Variants in CCDC88C observed in about 807,000 individuals in gnomAD.
CCDC88C encodes the protein coiled-coil and HOOK domain protein 88C.
A neutral mutation model predicts 198.8 loss-of-function variants in CCDC88C; 131 were observed. The ratio of observed to expected loss-of-function variants is 0.66; its 90% confidence interval spans 0.57 to 0.76. CCDC88C has a LOEUF of 0.76. Ranked by LOEUF, CCDC88C falls within the 30% of genes least tolerant of loss-of-function variation. The pLI, the probability that CCDC88C is intolerant of heterozygous loss-of-function variation, is 0.00. For missense variants in CCDC88C, 2,553 were observed against 2,631.6 expected (o/e 0.97, Z 0.65); for synonymous variants, 1,166 against 1,114.7 (o/e 1.05, Z -0.92).
Position 91,338,491 on chromosome 14 carries a change from C to T in CCDC88C, c.889G>A (p.Glu297Lys), listed in dbSNP as rs2139858216. Residue 297 changes from glutamate (E) to lysine (K), a missense_variant and splice_region_variant, in exon 9 of 30, where the codon GAG becomes AAG. Physicochemically the swap from Glu to Lys is moderately conservative, Grantham distance 56. Coordinates refer to ENST00000389857, the MANE Select transcript of CCDC88C (RefSeq NM_001080414.4). This position sits in a 1 kb window ranked among gnomAD's most constrained non-coding sequence, Gnocchi z 4.8. ...LVLELQKVKQENIQLAADARS... is the reference protein window; with the variant it reads ...LVLELQKVKQKNIQLAADARS... The stretch of plus-strand genomic sequence containing the variant: ...ACAGGCTCAGGCCCCCGACTCACCT[C>T]CTGCTTAACTTTCTGCAGTTCCAGC... 1 of 1,564,470 alleles carries T rather than the reference C, an allele frequency of 6.4e-7. No homozygotes were observed. Among genetic ancestry groups the T allele is most frequent in the Non-Finnish European group, 8.7e-7 (1 of 1,154,690 alleles).
intron 21 of CCDC88C, 118 bp downstream of exon 21, chr14:91,299,809 C>A: frequency 7.5e-7 from 1 of 1,327,244 alleles, no homozygotes; most frequent in South Asian, 1.6e-5. Flanking sequence ...GTTCACACAG[C>A]AAGGGATAAA....
In CCDC88C at chr14:91,349,561, C is replaced by T. The variant is rs181438636; in HGVS notation, c.341-5904G>A. Among the ~76,000 whole-genome samples the T allele has an allele frequency of 1.4e-3, 215 of 152,246 alleles. 1 individual carries two copies. Among genetic ancestry groups the T allele is most frequent in the African/African-American group, 4.6e-3 (192 of 41,540 alleles). On this transcript the variant is annotated intron_variant, in intron 4 of 29. Transcript: ENST00000389857. ...GGGCGGGGATCGAGAAACATCAGAC[C>T]GGACACACTCCACACTTAACACAAC... is the stretch of plus-strand genomic sequence containing the variant.
rs1170148589 is a variant in CCDC88C, at chr14:91,381,930, G to T, written c.271-22219C>A. Among the ~76,000 whole-genome samples, 5 of 152,160 alleles carry T rather than the reference G, an allele frequency of 3.3e-5. No individual in the cohort carries two copies. Among genetic ancestry groups the T allele is most frequent in the Non-Finnish European group, 7.3e-5 (5 of 68,036 alleles). ...CCTCCTTCTTGATGCCTTCCACGGTGTATTTTCTGAACAGCCCATTTTATC... is the reference window on the plus strand; with the variant it reads ...CCTCCTTCTTGATGCCTTCCACGGTTTATTTTCTGAACAGCCCATTTTATC... On this transcript the variant is annotated intron_variant, in intron 3 of 29. Transcript: ENST00000389857. The surrounding 1 kb of genome is among the most constrained non-coding windows in gnomAD (Gnocchi z 4.2).
At position 91,303,839 on chromosome 14, in the gene CCDC88C, G is replaced by T. The variant is rs758053233; in HGVS notation, c.3497C>A (p.Ala1166Asp). ...CAGGTGCTCGTGGTCCTGCAGCAGG[G>T]CCTCGTAGGCCGCTGTAAGTTGCTC... Reference protein sequence around the residue: ...QQEQLTAAYEALLQDHEHLGT... With the variant: ...QQEQLTAAYEDLLQDHEHLGT... The change falls in exon 20 of 30, where the codon GCC becomes GAC. Residue 1166 changes from alanine (A) to aspartate (D), a missense_variant. Transcript: ENST00000389857. 12 of 1,613,200 alleles carry T rather than the reference G, an allele frequency of 7.4e-6. No individual in the cohort carries two copies. In the East Asian group the frequency reaches 2.7e-4, roughly 36 times the overall value.
At chr14:91,373,825 G>C (rs560532717) in intron 3 of CCDC88C, among the ~76,000 whole-genome samples, 1 of 152,170 alleles carries the variant, frequency 6.6e-6, no homozygotes, top group Non-Finnish European at 1.5e-5. Context: ...GGTTGGAGGT[G>C]ACCTGGCAGC....
Position 91,408,773 on chromosome 14 carries a change from G to A in CCDC88C, c.162-6C>T. On this transcript the variant is annotated splice_region_variant and splice_polypyrimidine_tract_variant and intron_variant, in intron 2 of 29. Transcript: ENST00000389857. ...GATTTGTGGGCCTGGGATCTCTAGGGGAAGAAACACGAGAATGGAAATTGC... is the reference window on the plus strand; with the variant it reads ...GATTTGTGGGCCTGGGATCTCTAGGAGAAGAAACACGAGAATGGAAATTGC... 1.3e-6 allele frequency: 2 copies of A among 1,595,744 alleles called. No individual in the cohort carries two copies. The highest frequency in any genetic ancestry group is 4.5e-5 in the East Asian group (2 of 44,774).
rs1252796842 is a variant in CCDC88C at position 91,271,468 on chromosome 14, GAAAAAAAAATCTTAAA to G, written c.*1141_*1156del. ...CTTTCTCAGTATATTAAATCAAAAG[GAAAAAAAAATCTTAAA>G]AAAAAAAAATCAATAGGTTTAGTTC... On this transcript the variant is annotated 3_prime_UTR_variant, in exon 30 of 30. Transcript: ENST00000389857. The G allele has an allele frequency of 6.8e-6, 1 of 147,908 alleles. No homozygotes were observed. The highest frequency in any genetic ancestry group is 6.7e-5 in the Admixed American group (1 of 14,948). 9.2% of individuals were successfully genotyped at this position (147,908 alleles called of 1,614,324 possible). A position where few individuals can be genotyped will look rare whatever the true frequency, so the allele number is the denominator to read the frequency against.
chr14:91,400,430 AG>A (rs2139999560), intron 3 of CCDC88C, among the ~76,000 whole-genome samples: 1 of 152,354 alleles, frequency 6.6e-6, no homozygotes, highest in African/African-American at 2.4e-5. Flanking sequence ...TTCACATGGA[AG>A]CTGACTGTGA....
At chr14:91,414,599 C>G (rs769261474) in intron 2 of CCDC88C, among the ~76,000 whole-genome samples, 1 of 152,196 alleles carries the variant, frequency 6.6e-6, no homozygotes, top group Non-Finnish European at 1.5e-5. Flanking sequence ...ACTATTCTGA[C>G]TTCTATCACC....
At chr14:91,394,450 G>A (rs1442705687) in intron 3 of CCDC88C, among the ~76,000 whole-genome samples, 1 of 152,244 alleles carries the variant, frequency 6.6e-6, no homozygotes, top group South Asian at 2.1e-4. Flanking sequence ...AGAAAGGGCA[G>A]CAGGTCGGGG....
intron 20 of CCDC88C, among the ~76,000 whole-genome samples, chr14:91,300,493 C>T (rs191774978): frequency 1.3e-5 from 2 of 152,334 alleles, no homozygotes; most frequent in East Asian, 1.9e-4. Flanking sequence ...AATTCCGCTG[C>T]ACATCACAGC....
intron 14 of CCDC88C, 74 bp from the exon 15 acceptor site, chr14:91,314,224 G>T (rs1175990114): frequency 1.6e-6 from 2 of 1,242,902 alleles, no homozygotes; most frequent in African/African-American, 3.0e-5. Flanking sequence ...TCACACTGGG[G>T]ATGGGAGAGA....
At chr14:91,306,752 T>C (rs1891570115) in intron 18 of CCDC88C, among the ~76,000 whole-genome samples, 1 of 152,142 alleles carries the variant, frequency 6.6e-6, no homozygotes, top group Non-Finnish European at 1.5e-5. Flanking sequence ...CAAAAGCAGG[T>C]GGGGGCTGGA....
intron 3 of CCDC88C, among the ~76,000 whole-genome samples, chr14:91,378,240 A>C (rs1293609759): frequency 1.3e-5 from 2 of 152,154 alleles, no homozygotes; most frequent in Non-Finnish European, 2.9e-5. Flanking sequence ...AGGCATCCTG[A>C]AGTGGGGAGG....
chr14:91,336,442 A>G (rs1893045583), intron 10 of CCDC88C, among the ~76,000 whole-genome samples: 2 of 152,228 alleles, frequency 1.3e-5, no homozygotes, highest in South Asian at 4.1e-4. Context: ...CTGGGGCTGC[A>G]TGAGGTCCCC....
Position 91,325,033 on chromosome 14 carries a change from T to A in CCDC88C, c.1198-110A>T, listed in dbSNP as rs1282189844. ...TCATGTGCTGTGGATGAAGATGTAC[T>A]GGCTCACTTCCAAATAAACAGAGCT... On this transcript the variant is annotated intron_variant, in intron 11 of 29. Transcript: ENST00000389857. The surrounding 1 kb of genome is among the most constrained non-coding windows in gnomAD (Gnocchi z 4.1). 32 of 1,349,962 alleles carry A rather than the reference T, an allele frequency of 2.4e-5. No homozygotes were observed. The highest frequency in any genetic ancestry group is 3.0e-5 in the Non-Finnish European group (29 of 970,264). The allele number at this position is 1,349,962 out of a possible 1,614,324, so 83.6% of individuals were successfully genotyped here. A position where few individuals can be genotyped will look rare whatever the true frequency, so the allele number is the denominator to read the frequency against.
Position 91,299,948 on chromosome 14 carries a change from C to A in CCDC88C, c.3758G>T (p.Arg1253Met). The A allele has an allele frequency of 6.3e-7, 1 of 1,590,752 alleles. No homozygotes were observed. Among genetic ancestry groups the A allele is most frequent in the Non-Finnish European group, 8.5e-7 (1 of 1,171,246 alleles). ...TNALAMGENQ[R>M]LRGELDRVNF... ...TCACCTGTCCAGCTCGCCCCGCAGC[C>A]TCTGGTTCTCGCCCATGGCGAGGGC... The change falls in exon 21 of 30, where the codon AGG becomes ATG. Residue 1253 changes from arginine to methionine, a missense_variant. Physicochemically the swap from Arg to Met is moderately conservative, Grantham distance 91. Coordinates refer to ENST00000389857, the MANE Select transcript of CCDC88C (RefSeq NM_001080414.4).
At position 91,297,433 on chromosome 14, in the gene CCDC88C, T is replaced by C; in HGVS notation, c.3838A>G (p.Lys1280Glu). The part of the protein sequence containing the change: ...GEYEELHAHT[K>E]ELKTSLNNAQ... ...TTGTTCAGTGAGGTTTTCAGCTCCTTGGTGTGGGCGTGCAGCTCCTCGTAC... is the reference window on the plus strand; with the variant it reads ...TTGTTCAGTGAGGTTTTCAGCTCCTCGGTGTGGGCGTGCAGCTCCTCGTAC... Residue 1280 changes from lysine to glutamate, a missense_variant, in exon 22 of 30, where the codon AAG becomes GAG. By Grantham distance (56) the Lys-to-Glu change is moderately conservative. Coordinates refer to ENST00000389857, the MANE Select transcript of CCDC88C (RefSeq NM_001080414.4). 2 of 1,601,796 alleles carry C rather than the reference T, an allele frequency of 1.2e-6. No individual in the cohort carries two copies. Among genetic ancestry groups the C allele is most frequent in the Non-Finnish European group, 1.7e-6 (2 of 1,174,090 alleles).
chr14:91,281,493 A>G lies in CCDC88C; in HGVS notation c.4663T>C (p.Ser1555Pro), dbSNP rs1257283252. Residue 1555 changes from serine (S) to proline (P), a missense_variant, in exon 27 of 30, where the codon TCC (serine) becomes CCC (proline). This residue lies in a region of CCDC88C where 1,293 missense variants were observed against 1,219.6 expected (regional missense o/e 1.06). Coordinates refer to ENST00000389857, the MANE Select transcript of CCDC88C (RefSeq NM_001080414.4). ...TGGTTGGGGACCTCAAACTCCAGGG[A>G]TGGCTCACAGAGGTTGTCATCTGAG... ...YNSDDNLCEP[S>P]LEFEVPNHRQ... 1.2e-6 allele frequency: 2 copies of G among 1,613,828 alleles called. No individual in the cohort carries two copies. The highest frequency in any genetic ancestry group is 1.7e-6 in the Non-Finnish European group (2 of 1,179,868).
Sources: gnomAD v4.1 joint callset for allele counts (sites outside exome capture counted in the v4.1 genomes callset) on GRCh38, gnomAD v4.1.1 for gene constraint, gnomAD v4.1.1 regional missense constraint, Gnocchi (gnomAD v3.1) non-coding constraint, MANE v1.5 for transcripts, NCBI Gene and HGNC (gene_info 2026-07-23, HGNC 2026-07-21) for gene names.